CNGB3: variants seen among roughly 807,000 people sequenced by gnomAD.
CNGB3 encodes cyclic nucleotide-gated channel beta-3.
Under a neutral mutation model 92.8 loss-of-function variants are expected in CNGB3, and 86 were observed. That is an observed-to-expected ratio of 0.93 (90% CI 0.78 to 1.11). The LOEUF (loss-of-function observed/expected upper bound fraction) is 1.11. Ranked by LOEUF, CNGB3 falls within the 50% of genes least tolerant of loss-of-function variation. The probability of loss-of-function intolerance (pLI) is 0.00; values close to 1 mark genes in which losing one functional copy is unlikely to be tolerated. For missense variants in CNGB3, 1,026 were observed against 956.8 expected (o/e 1.07, Z -0.95); for synonymous variants, 333 against 332.7 (o/e 1.00, Z -0.01).
chr8:86,597,830 T>C (rs1271373006), intron 15 of CNGB3, among the ~76,000 whole-genome samples: 1 of 151,852 alleles, frequency 6.6e-6, no homozygotes, highest in East Asian at 1.9e-4. Flanking sequence ...AATACAAAAA[T>C]TAGCTGCGCA....
At chr8:86,637,983 A>C (rs984513329) in intron 10 of CNGB3, among the ~76,000 whole-genome samples, 1 of 152,148 alleles carries the variant, frequency 6.6e-6, no homozygotes, top group South Asian at 2.1e-4. Context: ...CGTACAGTAT[A>C]TATGCTTCCG....
intron 13 of CNGB3, among the ~76,000 whole-genome samples, chr8:86,619,176 C>A (rs1439494486): frequency 6.6e-6 from 1 of 152,232 alleles, no homozygotes; most frequent in African/African-American, 2.4e-5. Flanking sequence ...GATTCTAATG[C>A]ACGCCACTAG....
At chr8:86,598,017 A>C (rs540208230) in intron 15 of CNGB3, among the ~76,000 whole-genome samples, 7 of 152,066 alleles carry the variant, frequency 4.6e-5, no homozygotes, top group African/African-American at 1.2e-4. Context: ...AAATTAAAAT[A>C]AAATAAAATA....
chr8:86,673,786 G>GA (rs1255129445), intron 3 of CNGB3, among the ~76,000 whole-genome samples: 9 of 33,808 alleles, frequency 2.7e-4, no homozygotes, highest in Non-Finnish European at 1.4e-4. Flanking sequence ...GTAGCGGCAT[G>GA]AAAAAATTTT....
chr8:86,709,958 T>A (rs1014887516), intron 3 of CNGB3, among the ~76,000 whole-genome samples: 11 of 152,184 alleles, frequency 7.2e-5, no homozygotes, highest in Admixed American at 7.2e-4. Flanking sequence ...CCTTCAACAG[T>A]ATGTATTAAG....
At chr8:86,671,519 C>T (rs1260022358) in intron 3 of CNGB3, among the ~76,000 whole-genome samples, 1 of 152,148 alleles carries the variant, frequency 6.6e-6, no homozygotes, top group Admixed American at 6.5e-5. Flanking sequence ...TTATGTGGCA[C>T]AGTTGATAAG....
chr8:86,589,093 C>G (rs1204612555), intron 15 of CNGB3, among the ~76,000 whole-genome samples: 1 of 151,850 alleles, frequency 6.6e-6, no homozygotes, highest in African/African-American at 2.4e-5. Flanking sequence ...AGGAATTTAT[C>G]CATTTCTTCT....
At chr8:86,600,225 C>A (rs1490013415) in intron 15 of CNGB3, among the ~76,000 whole-genome samples, 1 of 152,140 alleles carries the variant, frequency 6.6e-6, no homozygotes, top group Non-Finnish European at 1.5e-5. Context: ...AACTTTGTCC[C>A]CAAAGCATCC....
intron 15 of CNGB3, among the ~76,000 whole-genome samples, chr8:86,592,618 C>T (rs1319727402): frequency 6.6e-6 from 1 of 152,026 alleles, no homozygotes; most frequent in Non-Finnish European, 1.5e-5. Context: ...ATGATTAATG[C>T]TTTAATAATT....
At chr8:86,593,112 A>C (rs1822082918) in intron 15 of CNGB3, among the ~76,000 whole-genome samples, 1 of 152,210 alleles carries the variant, frequency 6.6e-6, no homozygotes, top group Admixed American at 6.5e-5. Context: ...CTGCACATAC[A>C]GATTTTTAAC....
At chr8:86,665,297 G>T (rs1223933387) in intron 6 of CNGB3, among the ~76,000 whole-genome samples, 1 of 152,132 alleles carries the variant, frequency 6.6e-6, no homozygotes, top group African/African-American at 2.4e-5. Context: ...AGAGAAAAGG[G>T]AGCACTTATA....
chr8:86,699,176 A>C (rs1177498107), intron 3 of CNGB3, among the ~76,000 whole-genome samples: 1 of 152,220 alleles, frequency 6.6e-6, no homozygotes, highest in East Asian at 1.9e-4. Flanking sequence ...CATGTTTTCA[A>C]GATCCTTACA....
chr8:86,672,914 G>T (rs546609523), intron 3 of CNGB3, among the ~76,000 whole-genome samples: 74 of 152,324 alleles, frequency 4.9e-4, no homozygotes, highest in Admixed American at 1.0e-3. Context: ...AGACCAACGG[G>T]CAGTGAACAT....
intron 15 of CNGB3, among the ~76,000 whole-genome samples, chr8:86,602,876 A>G (rs1822335076): frequency 6.6e-6 from 1 of 152,226 alleles, no homozygotes; most frequent in Non-Finnish European, 1.5e-5. Flanking sequence ...AGAAAAAGAC[A>G]TAAATTCCTA....
intron 13 of CNGB3, among the ~76,000 whole-genome samples, chr8:86,622,038 A>G (rs1342457582): frequency 1.3e-5 from 2 of 152,192 alleles, no homozygotes; most frequent in African/African-American, 2.4e-5. Flanking sequence ...AGAGCGAGAC[A>G]TTGTTTAAGA....
At chr8:86,582,822 C>T (rs1019350653) in intron 15 of CNGB3, among the ~76,000 whole-genome samples, 2 of 152,132 alleles carry the variant, frequency 1.3e-5, no homozygotes, top group African/African-American at 4.8e-5. Flanking sequence ...CTGCAAAAAA[C>T]ATTTAGAGTT....
At chr8:86,736,920 A>G (rs1825258455) in intron 2 of CNGB3, among the ~76,000 whole-genome samples, 1 of 152,194 alleles carries the variant, frequency 6.6e-6, no homozygotes, top group Non-Finnish European at 1.5e-5. Flanking sequence ...CACATAATCT[A>G]GCGGTTGAAC....
intron 15 of CNGB3, among the ~76,000 whole-genome samples, chr8:86,583,291 A>C (rs1821827423): frequency 6.6e-6 from 1 of 152,188 alleles, no homozygotes; most frequent in South Asian, 2.1e-4. Flanking sequence ...AAGTGAAATG[A>C]AAGACAGCAA....
intron 14 of CNGB3, among the ~76,000 whole-genome samples, chr8:86,609,346 T>C (rs973892419): frequency 6.6e-6 from 1 of 152,234 alleles, no homozygotes; most frequent in African/African-American, 2.4e-5. Context: ...CTATGGCTTG[T>C]ATTTCCCATT....
Sources: gnomAD v4.1 joint callset for allele counts (sites outside exome capture counted in the v4.1 genomes callset) on GRCh38, gnomAD v4.1.1 for gene constraint, MANE v1.5 for transcripts, NCBI Gene and HGNC (gene_info 2026-07-23, HGNC 2026-07-21) for gene names.